Variants in COL15A1 observed in about 807,000 individuals in gnomAD.
COL15A1 encodes collagen type XV alpha 1 chain.
Under a neutral mutation model 165.9 loss-of-function variants are expected in COL15A1, and 111 were observed. The ratio of observed to expected loss-of-function variants is 0.67; its 90% CI spans 0.57 to 0.78. The LOEUF is 0.78. Among genes scored for constraint, COL15A1 ranks in the 30% least tolerant of loss-of-function variants. The pLI, the probability that COL15A1 is intolerant of heterozygous loss-of-function variation, is 0.00. For missense variants in COL15A1, 1,745 were observed against 1,789.7 expected, an observed-to-expected ratio of 0.98 and a Z score of 0.45; for synonymous variants, 659 against 674.8, an observed-to-expected ratio of 0.98 and a Z score of 0.36.
intron 16 of COL15A1, among the ~76,000 whole-genome samples, chr9:99,028,512 G>A (rs141149212): frequency 6.0e-4 from 92 of 152,168 alleles, no homozygotes; most frequent in African/African-American, 2.0e-3. Flanking sequence ...TTAGCCGGGC[G>A]CAGTGGCACA....
chr9:99,035,323 A>C, intron 18 of COL15A1, 27 bp from the exon 19 acceptor site: 2 of 1,614,164 alleles, frequency 1.2e-6, no homozygotes, highest in Middle Eastern at 1.6e-4. Context: ...ACTGGATCTG[A>C]AATTCTCATT....
At chr9:99,043,436 G>T (rs1839444760) in intron 24 of COL15A1, among the ~76,000 whole-genome samples, 1 of 152,086 alleles carries the variant, frequency 6.6e-6, no homozygotes, top group South Asian at 2.1e-4. Context: ...TGGATCTAGA[G>T]GGACGGACAT....
Position 98,990,999 on chromosome 9 carries a change from G to C in COL15A1, c.804+1741G>C, listed in dbSNP as rs570115920. Among the ~76,000 whole-genome samples the C allele has an allele frequency of 1.5e-4, 23 of 152,108 alleles. No individual in the cohort carries two copies. In the South Asian group the frequency reaches 4.2e-3, roughly 27 times the overall value. ...TTCAAGAGTAAAGCTGCAGACCTTC[G>C]CGGTGAGTGTTACAACTCTTAGGGC... On this transcript the variant is annotated intron_variant, in intron 5 of 41. Transcript: ENST00000375001.
At chr9:98,994,606 C>T (rs567787953) in intron 5 of COL15A1, among the ~76,000 whole-genome samples, 26 of 152,234 alleles carry the variant, frequency 1.7e-4, no homozygotes, top group African/African-American at 5.8e-4. Context: ...AGGACAGACA[C>T]GCTGTCTTAG....
Position 99,020,382 on chromosome 9 carries a change from C to T in COL15A1, c.1648-7C>T. 2 of 1,611,854 alleles carry T rather than the reference C, an allele frequency of 1.2e-6. No homozygotes were observed. Among genetic ancestry groups the T allele is most frequent in the Non-Finnish European group, 1.7e-6 (2 of 1,177,960 alleles). On this transcript the variant is annotated splice_polypyrimidine_tract_variant and splice_region_variant and intron_variant, in intron 11 of 41. Transcript: ENST00000375001. ...GGCCACGTTTTAACCAAATCTTCTT[C>T]TTTTAGGCTCAAAGAGAACATGTGG...
At chr9:99,037,082 A>C (rs1352590559) in intron 21 of COL15A1, among the ~76,000 whole-genome samples, 1 of 152,174 alleles carries the variant, frequency 6.6e-6, no homozygotes, top group Non-Finnish European at 1.5e-5. Context: ...TAAAACTAAA[A>C]ATACCCATTC....
At chr9:99,014,032 G>T (rs1417360461) in intron 9 of COL15A1, among the ~76,000 whole-genome samples, 1 of 152,064 alleles carries the variant, frequency 6.6e-6, no homozygotes, top group Non-Finnish European at 1.5e-5. Flanking sequence ...GAGAGGTCTT[G>T]TTACCCATAA....
rs140614219 is a variant in COL15A1, at chr9:99,024,976, C to T, written c.1957C>T (p.Pro653Ser). 1.9e-6 allele frequency: 3 copies of T among 1,613,644 alleles called. No homozygotes were observed. Among genetic ancestry groups the T allele is most frequent in the South Asian group, 1.1e-5 (1 of 91,026 alleles). ...CCCTGGATCTCCTGGAGAGGATGGA[C>T]CTGCTGGTGAACCTGGGCCCCCGGT... ...GPPGSPGEDG[P>S]AGEPGPPGPE... The change falls in exon 15 of 42, where the codon CCT becomes TCT. Residue 653 changes from proline to serine, a missense_variant. Physicochemically the swap from Pro to Ser is moderately conservative, Grantham distance 74. Transcript: ENST00000375001.
intron 2 of COL15A1, among the ~76,000 whole-genome samples, chr9:98,982,145 G>T (rs78911041): frequency 3.3e-5 from 5 of 151,868 alleles, no homozygotes; most frequent in African/African-American, 1.2e-4. Flanking sequence ...GAGAGATAGG[G>T]TATTTCTTTG....
chr9:98,956,686 C>G (rs1375808909), intron 2 of COL15A1, among the ~76,000 whole-genome samples: 1 of 152,226 alleles, frequency 6.6e-6, no homozygotes. Flanking sequence ...ACTGCAGCCA[C>G]AGTAATCTTC....
chr9:98,945,244 T>C (rs1242117607), intron 2 of COL15A1, among the ~76,000 whole-genome samples: 1 of 152,210 alleles, frequency 6.6e-6, no homozygotes, highest in Non-Finnish European at 1.5e-5. Flanking sequence ...TACAAGGGTA[T>C]ATTGCACGGT....
Position 98,986,075 on chromosome 9 carries a change from T to C in COL15A1, c.611T>C (p.Met204Thr). The C allele has an allele frequency of 5.0e-6, 8 of 1,613,858 alleles. No homozygotes were observed. The highest frequency in any genetic ancestry group is 5.9e-6 in the Non-Finnish European group (7 of 1,180,006). Residue 204 changes from methionine (M) to threonine (T), a missense_variant, in exon 3 of 42, where the codon ATG becomes ACG. Physicochemically the swap from Met to Thr is moderately conservative, Grantham distance 81 (BLOSUM62 -1). Transcript: ENST00000375001. The part of the protein sequence containing the change: ...LAFESSAGIF[M>T]GNAGATGLER... Reference sequence around the variant, plus strand: ...TTTGAGTCCAGCGCTGGAATCTTCATGGGCAATGCAGGAGCTACAGGGCTC... The same window carrying C: ...TTTGAGTCCAGCGCTGGAATCTTCACGGGCAATGCAGGAGCTACAGGGCTC...
At chr9:98,984,661 C>T (rs144872575) in intron 2 of COL15A1, among the ~76,000 whole-genome samples, 155 of 152,280 alleles carry the variant, frequency 1.0e-3, no homozygotes, top group East Asian at 8.5e-3. Flanking sequence ...ATGTCAAAGG[C>T]GATGACAATG....
intron 2 of COL15A1, among the ~76,000 whole-genome samples, chr9:98,977,131 T>G (rs1204963770): frequency 6.6e-6 from 1 of 152,144 alleles, no homozygotes; most frequent in Non-Finnish European, 1.5e-5. Flanking sequence ...GCTAAACATT[T>G]TAGGTATATT....
intron 39 of COL15A1, among the ~76,000 whole-genome samples, chr9:99,064,075 C>T (rs1326145608): frequency 2.0e-5 from 3 of 152,184 alleles, no homozygotes; most frequent in Non-Finnish European, 4.4e-5. Flanking sequence ...TCTCTATAGA[C>T]CACCTTCTGA....
At chr9:98,992,638 C>T (rs1165358619) in intron 5 of COL15A1, among the ~76,000 whole-genome samples, 5 of 152,248 alleles carry the variant, frequency 3.3e-5, no homozygotes, top group South Asian at 2.1e-4. Context: ...GAGCGAGGGC[C>T]GCCAGCACGT....
chr9:98,998,009 A>T (rs1838578730), intron 6 of COL15A1: 2 of 152,240 alleles, frequency 1.3e-5, no homozygotes, highest in Admixed American at 1.3e-4. Context: ...GATACAGAAG[A>T]TTTAATGACC....
intron 31 of COL15A1, among the ~76,000 whole-genome samples, chr9:99,053,494 C>G (rs533754721): frequency 6.6e-6 from 1 of 152,326 alleles, no homozygotes; most frequent in East Asian, 1.9e-4. Flanking sequence ...GGGGAGGGAA[C>G]AGATCTTTCT....
chr9:99,027,582 C>T (rs1231275728), intron 16 of COL15A1, among the ~76,000 whole-genome samples: 2 of 149,108 alleles, frequency 1.3e-5, no homozygotes, highest in South Asian at 2.2e-4. Flanking sequence ...TACTCTGTCT[C>T]GAACTTAAAG....
Sources: allele counts gnomAD v4.1 joint callset (sites outside exome capture counted in the v4.1 genomes callset), GRCh38; gene constraint gnomAD v4.1.1; transcripts MANE v1.5; gene names NCBI Gene and HGNC (gene_info 2026-07-23, HGNC 2026-07-21).